The following MORN5 variants were observed in gnomAD, a reference collection of about 807,000 sequenced individuals.
MORN5 encodes the protein MORN repeat-containing protein 5.
A neutral mutation model predicts 22.1 loss-of-function variants in MORN5; 21 were observed. The observed-to-expected ratio is 0.95, with a 90% confidence interval of 0.67 to 1.37. The LOEUF is 1.37. Among genes scored for constraint, MORN5 ranks in the 40% most tolerant of loss-of-function variants. The pLI is 0.00. For synonymous variants in MORN5, 73 were observed against 74.0 expected, an observed-to-expected ratio of 0.99 and a Z score of 0.07; for missense variants, 211 against 215.1, an observed-to-expected ratio of 0.98 and a Z score of 0.12.
At position 122,166,871 on chromosome 9, in the gene MORN5, G is replaced by A. The variant is rs375743117; in HGVS notation, c.151G>A (p.Gly51Arg). 142 of 1,613,824 alleles carry A rather than the reference G, an allele frequency of 8.8e-5. 1 individual carries two copies. Among genetic ancestry groups the A allele is most frequent in the South Asian group, 6.2e-4 (56 of 91,048 alleles). Residue 51 changes from glycine (G) to arginine (R), a missense_variant, in exon 2 of 5, where the codon GGA (glycine) becomes AGA (arginine). Coordinates refer to ENST00000373764, the MANE Select transcript of MORN5 (RefSeq NM_198469.4). Reference protein sequence around the residue: ...HGEGTLYFPSGSQYDAIWENG... With the variant: ...HGEGTLYFPSRSQYDAIWENG... ...CGAGGGAACCCTGTACTTCCCCAGCGGAAGCCAATACGACGCCATTTGGGA... is the reference window on the plus strand; with the variant it reads ...CGAGGGAACCCTGTACTTCCCCAGCAGAAGCCAATACGACGCCATTTGGGA...
At chr9:122,180,428 G>A (rs1355469361) in intron 4 of MORN5, among the ~76,000 whole-genome samples, 1 of 151,852 alleles carries the variant, frequency 6.6e-6, no homozygotes, top group Non-Finnish European at 1.5e-5. Context: ...TGGGACTACA[G>A]GCACACACCA....
chr9:122,179,358 A>G (rs983287240), intron 4 of MORN5, among the ~76,000 whole-genome samples: 1 of 152,182 alleles, frequency 6.6e-6, no homozygotes, highest in African/African-American at 2.4e-5. Context: ...CTTTAGAAAG[A>G]CTTCTTTGAT....
At chr9:122,169,556 GA>G in intron 2 of MORN5, 88 bp from the exon 3 acceptor site, 1 of 824,084 alleles carries the variant, frequency 1.2e-6, no homozygotes. Context: ...GCAGCCATCA[GA>G]AAGGCCCCCA....
At chr9:122,180,223 C>T (rs1285736516) in intron 4 of MORN5, among the ~76,000 whole-genome samples, 1 of 151,796 alleles carries the variant, frequency 6.6e-6, no homozygotes, top group Non-Finnish European at 1.5e-5. Context: ...AGGATACACA[C>T]AGGTGCACAC....
At chr9:122,194,756 A>C (rs758172023) in intron 4 of MORN5, among the ~76,000 whole-genome samples, 6 of 152,202 alleles carry the variant, frequency 3.9e-5, no homozygotes, top group Non-Finnish European at 7.3e-5. Flanking sequence ...ACGGTGGACC[A>C]CACCTGTAAT....
chr9:122,185,968 G>A (rs1484391255), intron 4 of MORN5, among the ~76,000 whole-genome samples: 1 of 152,168 alleles, frequency 6.6e-6, no homozygotes. Context: ...GCAATTTACC[G>A]AAATGTTATA....
intron 4 of MORN5, among the ~76,000 whole-genome samples, chr9:122,181,237 A>G (rs1829534686): frequency 6.6e-6 from 1 of 152,132 alleles, no homozygotes; most frequent in Non-Finnish European, 1.5e-5. Context: ...CACTGCCCAG[A>G]TCCCTCCCAC....
chr9:122,165,577 G>GA (rs1829264495), intron 1 of MORN5, among the ~76,000 whole-genome samples: 2 of 151,750 alleles, frequency 1.3e-5, no homozygotes, highest in Admixed American at 1.3e-4. Flanking sequence ...CTGGTCTTGG[G>GA]AAAAAAACAA....
At chr9:122,199,825 C>CA in intron 4 of MORN5, 60 bp from the exon 5 acceptor site, 1 of 1,585,624 alleles carries the variant, frequency 6.3e-7, no homozygotes, top group Non-Finnish European at 8.7e-7. Flanking sequence ...GGGAACCCCC[C>CA]AGGCCAGGAA....
chr9:122,163,610 G>T (rs570105621), intron 1 of MORN5, among the ~76,000 whole-genome samples: 10 of 152,204 alleles, frequency 6.6e-5, no homozygotes, highest in Non-Finnish European at 4.4e-5. Flanking sequence ...CAGAGGGCAC[G>T]TATGGAGTAG....
chr9:122,177,021 TA>T (rs1188422545), intron 4 of MORN5, among the ~76,000 whole-genome samples: 1 of 152,100 alleles, frequency 6.6e-6, no homozygotes, highest in East Asian at 1.9e-4. Context: ...GGGACAATAG[TA>T]AGAGATTAGG....
In MORN5 at chr9:122,168,122, G is replaced by C. The variant is rs145763890; in HGVS notation, c.195+1207G>C. Among the ~76,000 whole-genome samples, 90 of 152,282 alleles carry C rather than the reference G, an allele frequency of 5.9e-4. No homozygotes were observed. The East Asian group carries it at 0.015, about 26-fold the overall frequency. On this transcript the variant is annotated intron_variant, in intron 2 of 4. Transcript: ENST00000373764. Reference sequence around the variant, plus strand: ...GCCATGTAAAGTAGCATATTCACAGGTTGCAGCAGACAGGGACATCTTTGG... The same window carrying C: ...GCCATGTAAAGTAGCATATTCACAGCTTGCAGCAGACAGGGACATCTTTGG...
intron 4 of MORN5, among the ~76,000 whole-genome samples, chr9:122,191,491 G>A (rs1226041680): frequency 6.6e-6 from 1 of 152,178 alleles, no homozygotes; most frequent in Admixed American, 6.5e-5. Context: ...AGGAGAGGAC[G>A]AGTGTAGCCC....
chr9:122,198,167 C>A (rs1400255805), intron 4 of MORN5, among the ~76,000 whole-genome samples: 1 of 152,142 alleles, frequency 6.6e-6, no homozygotes, highest in Non-Finnish European at 1.5e-5. Flanking sequence ...TACAAAGATC[C>A]AATGAGACAC....
chr9:122,175,598 A>G (rs1661884221), intron 4 of MORN5: 1 of 972,638 alleles, frequency 1.0e-6, no homozygotes, highest in Non-Finnish European at 1.2e-6. Flanking sequence ...ACACACGTGC[A>G]CCCACACGCG....
chr9:122,169,197 C>T (rs546836046), intron 2 of MORN5, among the ~76,000 whole-genome samples: 5 of 152,280 alleles, frequency 3.3e-5, no homozygotes, highest in South Asian at 4.1e-4. Context: ...CTTCTAGAAA[C>T]GCCCTCATGA....
chr9:122,162,969 T>C (rs1564414103), intron 1 of MORN5, among the ~76,000 whole-genome samples: 1 of 152,126 alleles, frequency 6.6e-6, no homozygotes, highest in East Asian at 1.9e-4. Flanking sequence ...CTATTGTATG[T>C]CAATTACACT....
chr9:122,175,899 G>A (rs1033566513), intron 4 of MORN5, among the ~76,000 whole-genome samples: 1 of 152,108 alleles, frequency 6.6e-6, no homozygotes, highest in South Asian at 2.1e-4. Context: ...CGGATCATGA[G>A]GTCAGGAGAT....
At chr9:122,185,967 C>T (rs972161935) in intron 4 of MORN5, among the ~76,000 whole-genome samples, 1 of 152,182 alleles carries the variant, frequency 6.6e-6, no homozygotes, top group African/African-American at 2.4e-5. Context: ...GGCAATTTAC[C>T]GAAATGTTAT....
Sources: allele counts gnomAD v4.1 joint callset (sites outside exome capture counted in the v4.1 genomes callset), GRCh38; gene constraint gnomAD v4.1.1; transcripts MANE v1.5; gene names NCBI Gene and HGNC (gene_info 2026-07-23, HGNC 2026-07-21).